CBLC: variants seen among roughly 807,000 people sequenced by gnomAD.
CBLC encodes the protein Cbl proto-oncogene C, also known as E3 ubiquitin-protein ligase CBL-C.
In CBLC, 46 loss-of-function variants were observed where a neutral mutation model predicts 58.6. The observed-to-expected ratio is 0.79, with a 90% confidence interval of 0.62 to 1.00. The LOEUF (loss-of-function observed/expected upper bound fraction) is 1.00, where lower values mean the gene tolerates loss of function less well. Among genes scored for constraint, CBLC ranks in the 50% least tolerant of loss-of-function variants. CBLC has a pLI of 0.00. For synonymous variants in CBLC, 271 were observed against 264.2 expected (o/e 1.03, Z -0.25); for missense variants, 655 against 625.8 (o/e 1.05, Z -0.50).
chr19:44,777,917 A>C lies in CBLC; in HGVS notation c.-15A>C, dbSNP rs754284335. 7.1e-6 allele frequency: 11 copies of C among 1,546,086 alleles called. No homozygotes were observed. Among genetic ancestry groups the C allele is most frequent in the Non-Finnish European group, 9.5e-6 (11 of 1,153,228 alleles). On this transcript the variant is annotated 5_prime_UTR_variant, in exon 1 of 11. Transcript: ENST00000647358. ...CCCAGCCGCACCGGTCCTTCCCGGC[A>C]CACGCGAGGCTCCCATGGCTCTGGC...
chr19:44,790,176 A>T, intron 6 of CBLC, 85 bp downstream of exon 6: 1 of 1,021,900 alleles, frequency 9.8e-7, no homozygotes, highest in Non-Finnish European at 1.6e-6. Context: ...TGGGGTTGGA[A>T]TGTTGGCTTG....
chr19:44,785,532 G>GTAGGTAGA lies in CBLC; in HGVS notation c.917+1134_917+1135insGTAGATAG, dbSNP rs1012939637. Among the ~76,000 whole-genome samples, 62 of 149,018 alleles carry GTAGGTAGA rather than the reference G, an allele frequency of 4.2e-4. 1 individual carries two copies. Among genetic ancestry groups the GTAGGTAGA allele is most frequent in the African/African-American group, 1.4e-3 (57 of 40,920 alleles). On this transcript the variant is annotated intron_variant, in intron 5 of 10. Transcript: ENST00000647358. ...GGTAGCTAGCTAGATAGTCAGATAG[G>GTAGGTAGA]TAGATAGATAGATAGATAGATAGAT...
rs1011305311 is a variant in CBLC at position 44,800,413 on chromosome 19, G to A, written c.1395G>A (p.Ala465=). Residue 465 remains alanine (A), a synonymous_variant, in exon 10 of 11, where the codon GCG becomes GCA. Transcript: ENST00000647358. ...TAAAGGGGAACTCCCCTCCAGCTGC[G>A]CTGGGACCCCAGGACCCTGCCCCGG... ...RLLKGNSPPA[A]LGPQDPAPA The A allele has an allele frequency of 1.9e-6, 3 of 1,613,360 alleles. No homozygotes were observed. The highest frequency in any genetic ancestry group is 1.1e-5 in the South Asian group (1 of 91,078).
rs374379148 is a variant in CBLC, at chr19:44,792,474, G to A, written c.1097G>A (p.Cys366Tyr). 5 of 1,610,892 alleles carry A rather than the reference G, an allele frequency of 3.1e-6. No individual in the cohort carries two copies. The highest frequency in any genetic ancestry group is 4.2e-6 in the Non-Finnish European group (5 of 1,179,132). ...AACAAGGATGTGAAGATTGAGCCGT[G>A]CGGGCACCTGCTCTGCAGCTGCTGC... ...ESNKDVKIEP[C>Y]GHLLCSCCLA... is the part of the protein sequence containing the mutation. The change falls in exon 7 of 11, where the codon TGC becomes TAC. Residue 366 changes from cysteine to tyrosine, a missense_variant. Cys to Tyr is a radical substitution (Grantham distance 194). Around this residue, in one of 3 missense-constraint regions of CBLC, gnomAD observed 371 missense variants for 370.8 expected, o/e 1.00. Coordinates refer to ENST00000647358, the MANE Select transcript of CBLC (RefSeq NM_012116.4).
At chr19:44,780,557 C>T (rs1280308776) in intron 1 of CBLC, among the ~76,000 whole-genome samples, 1 of 148,224 alleles carries the variant, frequency 6.7e-6, no homozygotes, top group African/African-American at 2.5e-5. Flanking sequence ...ACTGCTACCT[C>T]TGCCTCCCGG....
chr19:44,780,432 G>A (rs1170620734), intron 1 of CBLC, among the ~76,000 whole-genome samples: 1 of 143,982 alleles, frequency 6.9e-6, no homozygotes, highest in Non-Finnish European at 1.5e-5. Flanking sequence ...CACTGCTTCT[G>A]GCCAAAATCT....
intron 1 of CBLC, 118 bp from the exon 2 acceptor site, chr19:44,780,787 C>A: frequency 9.1e-7 from 1 of 1,102,402 alleles, no homozygotes; most frequent in Non-Finnish European, 1.3e-6. Context: ...TGGACTCTTA[C>A]CTTACACTGT....
At chr19:44,800,178 G>A (rs1968264311) in intron 9 of CBLC, among the ~76,000 whole-genome samples, 1 of 152,178 alleles carries the variant, frequency 6.6e-6, no homozygotes, top group Non-Finnish European at 1.5e-5. Context: ...CCTCCCCCCA[G>A]GCACTTTTGG....
In CBLC at chr19:44,778,254, A is replaced by T; in HGVS notation, c.323A>T (p.Asp108Val). The T allele has an allele frequency of 6.9e-7, 1 of 1,447,350 alleles. No individual in the cohort carries two copies. The highest frequency in any genetic ancestry group is 9.1e-7 in the Non-Finnish European group (1 of 1,101,706). The allele number at this position is 1,447,350 out of a possible 1,614,324, so 89.7% of individuals were successfully genotyped here. The change falls in exon 1 of 11, where the codon GAC (aspartate) becomes GTC (valine). Residue 108 changes from aspartate to valine, a missense_variant. Physicochemically the swap from Asp to Val is radical, Grantham distance 152. This residue lies in a region of CBLC where 280 missense variants were observed against 237.2 expected (regional missense o/e 1.18). Coordinates refer to ENST00000647358, the MANE Select transcript of CBLC (RefSeq NM_012116.4). ...CCCCGGGGCCGAAGGAGTGCCAACG[A>T]CGAGCTCTTCCGGGCGGGCTCCAGA... ...LPPRGRRSAN[D>V]ELFRAGSRLR...
chr19:44,800,468 C>A lies in CBLC; in HGVS notation c.*7+18C>A. On this transcript the variant is annotated intron_variant, in intron 10 of 10. Transcript: ENST00000647358. ...AAGGCCAGGTGAGTCCATTCCCTAA[C>A]CCTCCCTGGCCCACTCCACCCCACT... The A allele has an allele frequency of 1.3e-6, 2 of 1,532,884 alleles. No homozygotes were observed. The highest frequency in any genetic ancestry group is 1.8e-6 in the Non-Finnish European group (2 of 1,109,024). 95.0% of individuals were successfully genotyped at this position (1,532,884 alleles called of 1,614,324 possible).
Position 44,778,021 on chromosome 19 carries a change from G to A in CBLC, c.90G>A (p.Glu30=). The A allele has an allele frequency of 6.2e-7, 1 of 1,609,374 alleles. No homozygotes were observed. Residue 30 remains glutamate, a synonymous_variant, in exon 1 of 11, where the codon GAG becomes GAA. Transcript: ENST00000647358. ...TCAGGATGCTGCAGCGCCTAGAAGA[G>A]CAATGCGTCGACCCCCGGCTGTCCG... is the stretch of plus-strand genomic sequence containing the variant. ...RAVRMLQRLE[E]QCVDPRLSVS... is the part of the protein sequence containing the mutation.
chr19:44,784,573 G>C lies in CBLC; in HGVS notation c.917+172G>C, dbSNP rs547423500. Among the ~76,000 whole-genome samples the C allele has an allele frequency of 4.5e-4, 69 of 152,292 alleles. 1 individual carries two copies. The highest frequency in any genetic ancestry group is 6.8e-3 in the Middle Eastern group (2 of 294). The stretch of plus-strand genomic sequence containing the variant: ...AGCAGGTGGCAGTCAAAGGTCTTGA[G>C]GAAGGGGCGCCTCTGAGGGTCGCAC... On this transcript the variant is annotated intron_variant, in intron 5 of 10. Transcript: ENST00000647358.
intron 6 of CBLC, among the ~76,000 whole-genome samples, chr19:44,791,637 G>A (rs1319175922): frequency 1.3e-5 from 2 of 151,372 alleles, no homozygotes; most frequent in East Asian, 2.0e-4. Context: ...GGAGGCTGAG[G>A]CACAAGAATC....
chr19:44,784,565 G>T, intron 5 of CBLC, 164 bp downstream of exon 5: 1 of 685,216 alleles, frequency 1.5e-6, no homozygotes, highest in Non-Finnish European at 2.3e-6. Flanking sequence ...GGCAGTCAAA[G>T]GTCTTGAGGA....
chr19:44,782,545 T>G (rs537104035), intron 4 of CBLC, 54 bp downstream of exon 4: 58 of 1,472,830 alleles, frequency 3.9e-5, no homozygotes, highest in South Asian at 2.2e-4. Flanking sequence ...GGATCTGGGC[T>G]CTGGGCTGGT....
chr19:44,784,881 A>T (rs1001168415), intron 5 of CBLC, among the ~76,000 whole-genome samples: 1 of 142,482 alleles, frequency 7.0e-6, no homozygotes, highest in Admixed American at 7.2e-5. Context: ...TTGTTTCTAG[A>T]TATGAGATCC....
At chr19:44,779,844 T>C (rs1967674524) in intron 1 of CBLC, among the ~76,000 whole-genome samples, 1 of 151,834 alleles carries the variant, frequency 6.6e-6, no homozygotes, top group African/African-American at 2.4e-5. Flanking sequence ...AGAGCCACCA[T>C]GTCCAGCCAA....
At chr19:44,791,750 ATGAG>A (rs1271751045) in intron 6 of CBLC, among the ~76,000 whole-genome samples, 1 of 151,366 alleles carries the variant, frequency 6.6e-6, no homozygotes, top group Non-Finnish European at 1.5e-5. Flanking sequence ...AAAAAAAAAA[ATGAG>A]TGTAGACATG....
chr19:44,780,472 T>G (rs1474679073), intron 1 of CBLC, among the ~76,000 whole-genome samples: 1 of 140,200 alleles, frequency 7.1e-6, no homozygotes, highest in Non-Finnish European at 1.5e-5. Flanking sequence ...GTTTTTAATT[T>G]TTTTTTTTTT....
Sources: allele counts gnomAD v4.1 joint callset (sites outside exome capture counted in the v4.1 genomes callset), GRCh38; gene constraint gnomAD v4.1.1; regional missense constraint gnomAD v4.1.1; transcripts MANE v1.5; gene names NCBI Gene and HGNC (gene_info 2026-07-23, HGNC 2026-07-21).